The following FSHR variants were observed in gnomAD, a reference collection of about 807,000 sequenced individuals.
FSHR encodes follicle-stimulating hormone receptor.
In FSHR, 46 loss-of-function variants were observed where a neutral mutation model predicts 52.1. That is an observed-to-expected ratio of 0.88 (90% CI 0.70 to 1.13). The LOEUF (loss-of-function observed/expected upper bound fraction) is 1.13, where lower values mean the gene tolerates loss of function less well. Ranked by LOEUF, FSHR falls within the 50% of genes most tolerant of loss-of-function variation. The pLI is 0.00. For synonymous variants in FSHR, 399 were observed against 309.6 expected (o/e 1.29, Z -3.03); for missense variants, 964 against 834.6 (o/e 1.16, Z -1.91).
intron 1 of FSHR, among the ~76,000 whole-genome samples, chr2:49,096,866 G>A (rs1326688551): frequency 6.6e-6 from 1 of 152,054 alleles, no homozygotes; most frequent in Non-Finnish European, 1.5e-5. Flanking sequence ...ACTGTCTAAA[G>A]GTGGGTGGCA....
chr2:48,998,960 C>T lies in FSHR; in HGVS notation c.375-8323G>A, dbSNP rs527588677. On this transcript the variant is annotated intron_variant, in intron 4 of 9. Transcript: ENST00000406846. ...TGTATGTGTGGTAATGCACACAAGA[C>T]TGCAGTCATATGTGTATCTACTTTA... Among the ~76,000 whole-genome samples the T allele has an allele frequency of 7.9e-5, 12 of 152,130 alleles. No homozygotes were observed. In the East Asian group the frequency reaches 2.1e-3, roughly 27 times the overall value.
intron 6 of FSHR, among the ~76,000 whole-genome samples, chr2:48,987,860 A>G (rs1675588953): frequency 6.6e-6 from 1 of 151,772 alleles, no homozygotes; most frequent in Admixed American, 6.6e-5. Context: ...ACACACACAC[A>G]CACACACACA....
At chr2:49,023,799 A>G (rs980182544) in intron 2 of FSHR, among the ~76,000 whole-genome samples, 1 of 152,138 alleles carries the variant, frequency 6.6e-6, no homozygotes, top group African/African-American at 2.4e-5. Flanking sequence ...CCTTCTGTAC[A>G]TGAGATTCCA....
chr2:49,127,189 G>C (rs569868648), intron 1 of FSHR, among the ~76,000 whole-genome samples: 1 of 151,790 alleles, frequency 6.6e-6, no homozygotes, highest in East Asian at 1.9e-4. Context: ...TTAGCTGGGC[G>C]TGGTGGTGTG....
intron 1 of FSHR, among the ~76,000 whole-genome samples, chr2:49,111,086 G>T (rs544966211): frequency 7.9e-5 from 12 of 152,278 alleles, no homozygotes; most frequent in Admixed American, 1.3e-4. Context: ...CCCCTCTGGG[G>T]ACTTGTCTTT....
chr2:49,127,820 CT>C (rs1672086701), intron 1 of FSHR, among the ~76,000 whole-genome samples: 3 of 51,460 alleles, frequency 5.8e-5, no homozygotes, highest in African/African-American at 2.5e-4. Context: ...TCTTCTTCTT[CT>C]TCTTCTTCCT....
rs779304500 is a variant in FSHR at position 49,020,264 on chromosome 2, A to T, written c.225-104T>A. 5.2e-6 allele frequency: 5 copies of T among 962,640 alleles called. No homozygotes were observed. The South Asian group carries it at 5.3e-5, about 10-fold the overall frequency. 59.6% of individuals were successfully genotyped at this position (962,640 alleles called of 1,614,324 possible). On this transcript the variant is annotated intron_variant, in intron 2 of 9. Transcript: ENST00000406846. ...GTGTCTGGGAGGATTCACAAGACACACAAAACTCCTTTCCTGCCATTAAAG... is the reference window on the plus strand; with the variant it reads ...GTGTCTGGGAGGATTCACAAGACACTCAAAACTCCTTTCCTGCCATTAAAG...
intron 4 of FSHR, among the ~76,000 whole-genome samples, chr2:48,997,916 C>G (rs1342980281): frequency 6.6e-6 from 1 of 152,086 alleles, no homozygotes; most frequent in East Asian, 1.9e-4. Flanking sequence ...TCACAGTGGA[C>G]TTTCCCAGAT....
chr2:48,994,189 T>G (rs1157871810), intron 4 of FSHR, among the ~76,000 whole-genome samples: 1 of 152,198 alleles, frequency 6.6e-6, no homozygotes, highest in Non-Finnish European at 1.5e-5. Context: ...TCACTGCCTA[T>G]GTTTATTACA....
intron 5 of FSHR, 21 bp downstream of exon 5, chr2:48,990,545 T>C (rs1675722793): frequency 2.0e-6 from 3 of 1,512,232 alleles, no homozygotes; most frequent in Non-Finnish European, 2.8e-6. Flanking sequence ...GAGTTGGTAG[T>C]CACTCAAGGA....
chr2:49,019,401 A>C (rs528177450), intron 3 of FSHR, among the ~76,000 whole-genome samples: 47 of 152,290 alleles, frequency 3.1e-4, no homozygotes, highest in South Asian at 6.2e-4. Flanking sequence ...CTATGATTCT[A>C]TGAAATAATT....
intron 8 of FSHR, among the ~76,000 whole-genome samples, chr2:48,972,924 A>T (rs2104021588): frequency 6.6e-6 from 1 of 152,346 alleles, no homozygotes; most frequent in African/African-American, 2.4e-5. Context: ...TCCATGGAAT[A>T]TCATCCCATT....
chr2:49,114,317 C>T (rs942742429), intron 1 of FSHR, among the ~76,000 whole-genome samples: 60 of 152,198 alleles, frequency 3.9e-4, no homozygotes, highest in Non-Finnish European at 1.9e-4. Flanking sequence ...TGGGGAGCTT[C>T]TGTGGATGCA....
chr2:49,135,132 T>C (rs1381142591), intron 1 of FSHR, among the ~76,000 whole-genome samples: 2 of 152,084 alleles, frequency 1.3e-5, no homozygotes, highest in South Asian at 2.1e-4. Flanking sequence ...GACATGTATA[T>C]AGAAGAGTTA....
At chr2:49,136,641 C>A (rs940139056) in intron 1 of FSHR, among the ~76,000 whole-genome samples, 4 of 151,920 alleles carry the variant, frequency 2.6e-5, no homozygotes, top group African/African-American at 9.7e-5. Flanking sequence ...AATCTAGCAA[C>A]ATATAAAAAT....
intron 1 of FSHR, 133 bp downstream of exon 1, chr2:49,154,133 G>T: frequency 1.1e-6 from 1 of 947,530 alleles, no homozygotes; most frequent in Non-Finnish European, 1.7e-6. Context: ...GGAGTTAGTT[G>T]TTTTATTCAG....
intron 4 of FSHR, among the ~76,000 whole-genome samples, chr2:49,006,877 C>A (rs541388336): frequency 6.6e-6 from 1 of 152,252 alleles, no homozygotes; most frequent in Non-Finnish European, 1.5e-5. Flanking sequence ...ACTTTTACTA[C>A]TTTATTTTTC....
At position 49,083,602 on chromosome 2, in the gene FSHR, C is replaced by G. The variant is rs1480621562; in HGVS notation, c.153-15312G>C. On this transcript the variant is annotated intron_variant, in intron 1 of 9. Coordinates refer to ENST00000406846, the MANE Select transcript of FSHR (RefSeq NM_000145.4). ...AGTGTGCTGTATTCAGGAAACCCATCTCACGTGCAGAGACACACATAGGCT... is the reference window on the plus strand; with the variant it reads ...AGTGTGCTGTATTCAGGAAACCCATGTCACGTGCAGAGACACACATAGGCT... Among the ~76,000 whole-genome samples the G allele has an allele frequency of 1.3e-4, 19 of 149,140 alleles. No individual in the cohort carries two copies. In the South Asian group the frequency reaches 1.5e-3, roughly 12 times the overall value.
chr2:49,142,878 C>CAA (rs1672740977), intron 1 of FSHR, among the ~76,000 whole-genome samples: 1 of 151,982 alleles, frequency 6.6e-6, no homozygotes, highest in South Asian at 2.1e-4. Context: ...GTGACATGTG[C>CAA]GTTTATACAG....
Sources: allele counts gnomAD v4.1 joint callset (sites outside exome capture counted in the v4.1 genomes callset), GRCh38; gene constraint gnomAD v4.1.1; transcripts MANE v1.5; gene names NCBI Gene and HGNC (gene_info 2026-07-23, HGNC 2026-07-21).